SLC25A39: variants seen among roughly 807,000 people sequenced by gnomAD.
The protein encoded by SLC25A39 is solute carrier family 25 member 39, also known as mitochondrial glutathione transporter SLC25A39.
A neutral mutation model predicts 46.6 loss-of-function variants in SLC25A39; 44 were observed. That is an observed-to-expected ratio of 0.94 (90% CI 0.74 to 1.21). SLC25A39 has a LOEUF of 1.21. SLC25A39 is among the 50% of genes most tolerant of loss of function. The probability of loss-of-function intolerance (pLI) is 0.00; values close to 1 mark genes in which losing one functional copy is unlikely to be tolerated. For missense variants in SLC25A39, 487 were observed against 473.0 expected (o/e 1.03, Z -0.28); for synonymous variants, 218 against 190.6 (o/e 1.14, Z -1.19).
At chr17:44,321,816 G>A (rs1184908860) in intron 5 of SLC25A39, 49 bp from the exon 6 acceptor site, 2 of 1,573,696 alleles carry the variant, frequency 1.3e-6, no homozygotes, top group Non-Finnish European at 8.7e-7. Context: ...CACAAGTGAT[G>A]TCTGTGATGG....
At position 44,322,802 on chromosome 17, in the gene SLC25A39, A is replaced by G; in HGVS notation, c.190+6T>C. On this transcript the variant is annotated splice_donor_region_variant and intron_variant, in intron 4 of 11. Coordinates refer to ENST00000377095, the MANE Select transcript of SLC25A39 (RefSeq NM_001143780.3). ...TCCCATGCTCCCTGTGGCTTGGGGC[A>G]CTCACATTTGGTATAGGAGAGGCTC... 6.2e-7 allele frequency: 1 copy of G among 1,613,926 alleles called. No homozygotes were observed. The highest frequency in any genetic ancestry group is 1.3e-5 in the African/African-American group (1 of 74,992).
chr17:44,321,666 C>A (rs774947290), intron 6 of SLC25A39, 34 bp downstream of exon 6: 1 of 1,608,082 alleles, frequency 6.2e-7, no homozygotes, highest in South Asian at 1.1e-5. Context: ...TCAGGAAGTA[C>A]CAGAGGAGAG....
rs762387970 is a variant in SLC25A39, at chr17:44,320,291, C to T, written c.884-15G>A. Reference sequence around the variant, plus strand: ...CAGGGGGTTCACTGCAAACGCGAGGCCGGCTCAGTGAGACCCCATTCAGGA... The same window carrying T: ...CAGGGGGTTCACTGCAAACGCGAGGTCGGCTCAGTGAGACCCCATTCAGGA... On this transcript the variant is annotated splice_polypyrimidine_tract_variant and intron_variant, in intron 10 of 11. Coordinates refer to ENST00000377095, the MANE Select transcript of SLC25A39 (RefSeq NM_001143780.3). The T allele has an allele frequency of 3.1e-6, 5 of 1,613,466 alleles. No individual in the cohort carries two copies. Among genetic ancestry groups the T allele is most frequent in the Non-Finnish European group, 4.2e-6 (5 of 1,180,014 alleles).
chr17:44,323,670 G>C lies in SLC25A39; in HGVS notation c.-15-93C>G, dbSNP rs1176842874. On this transcript the variant is annotated intron_variant, in intron 1 of 11. Transcript: ENST00000377095. ...GACTTTTGTTTTGAGACGGCGTCTC[G>C]CTCTGCGCACTGTTGCCAGGCTGGA... 5 of 866,498 alleles carry C rather than the reference G, an allele frequency of 5.8e-6. No homozygotes were observed. The Admixed American group carries it at 7.0e-5, about 12-fold the overall frequency. 53.7% of individuals were successfully genotyped at this position (866,498 alleles called of 1,614,324 possible).
At chr17:44,322,287 G>A (rs1378331599) in intron 5 of SLC25A39, 132 bp downstream of exon 5, 4 of 946,442 alleles carry the variant, frequency 4.2e-6, no homozygotes, top group African/African-American at 1.6e-5. Flanking sequence ...TGCCTTCTCC[G>A]GAAGCACTTC....
rs1437215045 is a variant in SLC25A39, at chr17:44,320,199, CAA to C, written c.959_960del (p.Phe320CysfsTer22). 3.1e-6 allele frequency: 5 copies of C among 1,613,994 alleles called. No homozygotes were observed. In the South Asian group the frequency reaches 4.4e-5, roughly 14 times the overall value. ...IRAESGTKGL[F>X]AGFLPRIIKA... ...CCCCCGACACCCACACACTGACCTG[CAA>C]AGAGTCCCTTGGTGCCCGACTCGGC... On this transcript the variant is annotated frameshift_variant, in exon 11 of 12. Transcript: ENST00000377095. LOFTEE classifies it high-confidence loss of function.
rs79808124 is a variant in SLC25A39 at position 44,323,353 on chromosome 17, G to C, written c.86-10C>G. 1 of 1,609,316 alleles carries C rather than the reference G, an allele frequency of 6.2e-7. No homozygotes were observed. Among genetic ancestry groups the C allele is most frequent in the Admixed American group, 1.7e-5 (1 of 59,616 alleles). On this transcript the variant is annotated splice_polypyrimidine_tract_variant and intron_variant, in intron 2 of 11. Coordinates refer to ENST00000377095, the MANE Select transcript of SLC25A39 (RefSeq NM_001143780.3). ...ACGTCCAGGGGTGTCACTGGGGGAG[G>C]AAGCGGGTCTGAAGGCTCCTTTCAG...
chr17:44,323,257 C>G lies in SLC25A39; in HGVS notation c.145+27G>C, dbSNP rs769751537. 9 of 1,613,584 alleles carry G rather than the reference C, an allele frequency of 5.6e-6. No homozygotes were observed. In the Admixed American group the frequency reaches 1.5e-4, roughly 27 times the overall value. ...TCTTTCTTTTGCCCAGGCACCACCC[C>G]TCACTAGTTCCAGGTCAGGTACTCA... On this transcript the variant is annotated intron_variant, in intron 3 of 11. Coordinates refer to ENST00000377095, the MANE Select transcript of SLC25A39 (RefSeq NM_001143780.3).
rs376227156 is a variant in SLC25A39 at position 44,321,517 on chromosome 17, T to C, written c.434A>G (p.Tyr145Cys). The stretch of plus-strand genomic sequence containing the variant: ...ACACAGGAAGGCCTTCAGTTGGTCA[T>C]AGGCAGTGAAGTAGATGGCGGTAGC... ...VPATAIYFTA[Y>C]DQLKAFLCGR... The change falls in exon 7 of 12, where the codon TAT (tyrosine) becomes TGT (cysteine). Residue 145 changes from tyrosine to cysteine, a missense_variant. By Grantham distance (194) the Tyr-to-Cys change is radical (BLOSUM62 -2). Coordinates refer to ENST00000377095, the MANE Select transcript of SLC25A39 (RefSeq NM_001143780.3). 5.0e-6 allele frequency: 8 copies of C among 1,613,964 alleles called. No individual in the cohort carries two copies. The highest frequency in any genetic ancestry group is 2.2e-5 in the East Asian group (1 of 44,888).
chr17:44,319,839 T>G lies in SLC25A39; in HGVS notation c.*162A>C. 1 of 628,266 alleles carries G rather than the reference T, an allele frequency of 1.6e-6. No homozygotes were observed. The allele number at this position is 628,266 out of a possible 1,614,324, so 38.9% of individuals were successfully genotyped here. A position where few individuals can be genotyped will look rare whatever the true frequency, so the allele number is the denominator to read the frequency against. On this transcript the variant is annotated 3_prime_UTR_variant, in exon 12 of 12. Transcript: ENST00000377095. Reference sequence around the variant, plus strand: ...CAGGAAGAAGTTGTGTCTGAGGAAGTGCTGGGCCGCCCAGAGGGACAGCCC... The same window carrying G: ...CAGGAAGAAGTTGTGTCTGAGGAAGGGCTGGGCCGCCCAGAGGGACAGCCC...
At chr17:44,323,084 G>A (rs1301066459) in intron 3 of SLC25A39, among the ~76,000 whole-genome samples, 200 bp downstream of exon 3, 2 of 152,030 alleles carry the variant, frequency 1.3e-5, no homozygotes, top group Non-Finnish European at 2.9e-5. Context: ...CACCAAGCCC[G>A]GCTAATTTTT....
At position 44,321,689 on chromosome 17, in the gene SLC25A39, C is replaced by T. The variant is rs559521973; in HGVS notation, c.392+11G>A. ...TACCAGAGGAGAGTGGTGCAGGACC[C>T]GGCTACTCACAGGGTGGCGGGGAGG... On this transcript the variant is annotated intron_variant, in intron 6 of 11. Transcript: ENST00000377095. The T allele has an allele frequency of 2.5e-6, 4 of 1,610,350 alleles. No homozygotes were observed. The highest frequency in any genetic ancestry group is 3.3e-5 in the Admixed American group (2 of 59,844).
At chr17:44,323,256 C>T (rs377326598) in intron 3 of SLC25A39, 28 bp downstream of exon 3, 3 of 1,613,268 alleles carry the variant, frequency 1.9e-6, no homozygotes, top group African/African-American at 1.3e-5. Flanking sequence ...AGGCACCACC[C>T]CTCACTAGTT....
In SLC25A39 at chr17:44,319,824, TTG is replaced by T; in HGVS notation, c.*175_*176del. On this transcript the variant is annotated 3_prime_UTR_variant, in exon 12 of 12. Coordinates refer to ENST00000377095, the MANE Select transcript of SLC25A39 (RefSeq NM_001143780.3). ...CCACGACTGGAGCAGCAGGAAGAAG[TTG>T]TGTCTGAGGAAGTGCTGGGCCGCCC... 1.7e-6 allele frequency: 1 copy of T among 596,154 alleles called. No individual in the cohort carries two copies. Among genetic ancestry groups the T allele is most frequent in the South Asian group, 2.0e-5 (1 of 50,544 alleles). 36.9% of individuals were successfully genotyped at this position (596,154 alleles called of 1,614,324 possible).
chr17:44,323,439 A>AAGCCC, intron 2 of SLC25A39, 39 bp downstream of exon 2: 15 of 257,072 alleles, frequency 5.8e-5, no homozygotes, highest in Non-Finnish European at 7.9e-5. Flanking sequence ...GGTCTGCCCC[A>AAGCCC]TCCCCACCCG....
rs1384217792 is a variant in SLC25A39 at position 44,320,358 on chromosome 17, T to A, written c.880A>T (p.Arg294Ter). 1 of 1,613,406 alleles carries A rather than the reference T, an allele frequency of 6.2e-7. No individual in the cohort carries two copies. The highest frequency in any genetic ancestry group is 1.3e-5 in the African/African-American group (1 of 74,924). ...QVALGAMEAV[R>*]VNPLHVDSTW... is the part of the protein sequence containing the mutation. ...CCACGGCAATCTGGGCCCTCACCTCTCACAGCCTCCATCGCTCCCAGAGCG... is the reference window on the plus strand; with the variant it reads ...CCACGGCAATCTGGGCCCTCACCTCACACAGCCTCCATCGCTCCCAGAGCG... The change falls in exon 10 of 12, where the codon AGA becomes TGA. Residue 294 changes from arginine (R) to a stop codon, truncating the protein, a stop_gained. Transcript: ENST00000377095. LOFTEE classifies it high-confidence loss of function.
At position 44,321,548 on chromosome 17, in the gene SLC25A39, C is replaced by G. The variant is rs776073100; in HGVS notation, c.403G>C (p.Val135Leu). 5 of 1,613,972 alleles carry G rather than the reference C, an allele frequency of 3.1e-6. No homozygotes were observed. The South Asian group carries it at 5.5e-5, about 18-fold the overall frequency. ...SGLPATLVMTVPATAIYFTAY... is the reference protein window; with the variant it reads ...SGLPATLVMTLPATAIYFTAY... ...GTGAAGTAGATGGCGGTAGCTGGCA[C>G]AGTCATCACCCTGGGGATACAGAGA... Residue 135 changes from valine (V) to leucine (L), a missense_variant, in exon 7 of 12, where the codon GTG becomes CTG. Coordinates refer to ENST00000377095, the MANE Select transcript of SLC25A39 (RefSeq NM_001143780.3).
rs1203044562 is a variant in SLC25A39, at chr17:44,321,484, G to C, written c.467C>G (p.Ala156Gly). Residue 156 changes from alanine to glycine, a missense_variant, in exon 7 of 12, where the codon GCC (alanine) becomes GGC (glycine). Transcript: ENST00000377095. ...GGGTGCGTAGAGGTCAGAGGTCAGG[G>C]CTCGACCACACAGGAAGGCCTTCAG... The part of the protein sequence containing the change: ...DQLKAFLCGR[A>G]LTSDLYAPMV... The C allele has an allele frequency of 6.2e-7, 1 of 1,613,998 alleles. No individual in the cohort carries two copies. The highest frequency in any genetic ancestry group is 1.1e-5 in the South Asian group (1 of 91,088).
chr17:44,321,811 G>T (rs374355040), intron 5 of SLC25A39, 44 bp from the exon 6 acceptor site: 25 of 1,576,896 alleles, frequency 1.6e-5, no homozygotes, highest in Non-Finnish European at 2.2e-5. Context: ...AGGGACACAA[G>T]TGATGTCTGT....
Sources: gnomAD v4.1 joint callset for allele counts (sites outside exome capture counted in the v4.1 genomes callset) on GRCh38, gnomAD v4.1.1 for gene constraint, MANE v1.5 for transcripts, NCBI Gene and HGNC (gene_info 2026-07-23, HGNC 2026-07-21) for gene names.